Variants in LEKR1 observed in about 807,000 individuals in gnomAD.
LEKR1 encodes the protein leucine, glutamate and lysine rich 1.
A neutral mutation model predicts 72.4 loss-of-function variants in LEKR1; 59 were observed. The ratio of observed to expected loss-of-function variants is 0.82; its 90% confidence interval spans 0.66 to 1.01. The LOEUF (loss-of-function observed/expected upper bound fraction) is 1.01, where lower values mean the gene tolerates loss of function less well. Ranked by LOEUF, LEKR1 falls within the 50% of genes least tolerant of loss-of-function variation. The pLI, the probability that LEKR1 is intolerant of heterozygous loss-of-function variation, is 0.00. For missense variants in LEKR1, 728 were observed against 759.2 expected, an observed-to-expected ratio of 0.96 and a Z score of 0.48; for synonymous variants, 257 against 263.2, an observed-to-expected ratio of 0.98 and a Z score of 0.23.
intron 3 of LEKR1, among the ~76,000 whole-genome samples, chr3:156,882,804 A>G (rs1414591791): frequency 1.4e-4 from 21 of 152,070 alleles, no homozygotes; most frequent in Admixed American, 1.0e-3. Context: ...CATATACACC[A>G]TGGAATACTA....
chr3:156,940,005 C>CT (rs1726059141), intron 5 of LEKR1, among the ~76,000 whole-genome samples: 1 of 152,106 alleles, frequency 6.6e-6, no homozygotes, highest in African/African-American at 2.4e-5. Context: ...CTATCCTACT[C>CT]TGACATTTAA....
intron 10 of LEKR1, among the ~76,000 whole-genome samples, chr3:157,022,633 G>A (rs1270267437): frequency 6.6e-6 from 1 of 152,168 alleles, no homozygotes; most frequent in East Asian, 1.9e-4. Flanking sequence ...TTTGGGAAGA[G>A]TGTTGTTACA....
intron 5 of LEKR1, among the ~76,000 whole-genome samples, chr3:156,937,705 A>T (rs6784421): frequency 0.43 from 64,851 of 152,050 alleles, 16,080 homozygotes; most frequent in East Asian, 0.73. Flanking sequence ...GTTCTCAAAA[A>T]TACTTGTATG....
chr3:156,847,434 A>G (rs986327864), intron 2 of LEKR1, among the ~76,000 whole-genome samples: 1 of 152,204 alleles, frequency 6.6e-6, no homozygotes, highest in Admixed American at 6.5e-5. Context: ...GAATGACAGC[A>G]TGTCATTATT....
intron 3 of LEKR1, among the ~76,000 whole-genome samples, chr3:156,895,924 C>T (rs1194800999): frequency 6.6e-6 from 1 of 152,122 alleles, no homozygotes; most frequent in Non-Finnish European, 1.5e-5. Flanking sequence ...TTCATTGCAG[C>T]ACTAGTCACA....
At chr3:156,929,805 G>A (rs747703047) in intron 5 of LEKR1, among the ~76,000 whole-genome samples, 9 of 152,094 alleles carry the variant, frequency 5.9e-5, no homozygotes, top group East Asian at 1.9e-4. Context: ...TGTTCTAAGC[G>A]TCATCTTGAG....
rs373447693 is a variant in LEKR1, at chr3:156,984,175, T to A, written c.827+4900T>A. ...CAATGCACATACACATGCATATGGA[T>A]TTAAATACATTGAATAAATGATAGG... On this transcript the variant is annotated intron_variant, in intron 7 of 12. Transcript: ENST00000356539. Among the ~76,000 whole-genome samples, 8 of 152,284 alleles carry A rather than the reference T, an allele frequency of 5.3e-5. No homozygotes were observed. In the East Asian group the frequency reaches 9.6e-4, roughly 18 times the overall value.
Position 156,967,260 on chromosome 3 carries a change from G to A in LEKR1, c.746-11934G>A, listed in dbSNP as rs181664493. On this transcript the variant is annotated intron_variant, in intron 6 of 12. Transcript: ENST00000356539. The stretch of plus-strand genomic sequence containing the variant: ...AGGAACGCAGCTCCTCACCAGCAAC[G>A]GAACAAAGCTGGATGGAGAATGACT... Among the ~76,000 whole-genome samples, 1,023 of 152,138 alleles carry A rather than the reference G, an allele frequency of 6.7e-3. 9 individuals are homozygous for A. The highest frequency in any genetic ancestry group is 0.011 in the Admixed American group (167 of 15,282).
chr3:156,963,668 C>A (rs1576907655), intron 6 of LEKR1, among the ~76,000 whole-genome samples: 1 of 152,198 alleles, frequency 6.6e-6, no homozygotes, highest in East Asian at 1.9e-4. Flanking sequence ...ATTCACATAC[C>A]ACTTGCCATA....
At chr3:156,936,755 C>G (rs904848365) in intron 5 of LEKR1, among the ~76,000 whole-genome samples, 22 of 152,068 alleles carry the variant, frequency 1.4e-4, no homozygotes, top group African/African-American at 5.3e-4. Flanking sequence ...ACAAATGATG[C>G]TGGAACAATT....
chr3:156,985,124 A>T (rs1443091489), intron 7 of LEKR1, among the ~76,000 whole-genome samples: 2 of 152,150 alleles, frequency 1.3e-5, no homozygotes, highest in Non-Finnish European at 2.9e-5. Flanking sequence ...CAAAATGTTT[A>T]CTGAGAGCCA....
intron 6 of LEKR1, among the ~76,000 whole-genome samples, chr3:156,969,994 G>A (rs1275047908): frequency 6.6e-6 from 1 of 152,010 alleles, no homozygotes; most frequent in Non-Finnish European, 1.5e-5. Context: ...ACATAATCCA[G>A]CATATAAACA....
At chr3:156,938,390 T>G (rs1447161758) in intron 5 of LEKR1, among the ~76,000 whole-genome samples, 2 of 152,246 alleles carry the variant, frequency 1.3e-5, no homozygotes, top group Non-Finnish European at 2.9e-5. Context: ...GTTTGCTTTT[T>G]GTTTTTTGAG....
At chr3:156,890,328 A>G (rs1377583860) in intron 3 of LEKR1, among the ~76,000 whole-genome samples, 2 of 152,158 alleles carry the variant, frequency 1.3e-5, no homozygotes, top group South Asian at 2.1e-4. Context: ...GTTATAATCA[A>G]CTCAATATGT....
intron 3 of LEKR1, among the ~76,000 whole-genome samples, chr3:156,855,960 A>G (rs1255120984): frequency 6.6e-6 from 1 of 151,852 alleles, no homozygotes; most frequent in Non-Finnish European, 1.5e-5. Context: ...GAAGGGGGGA[A>G]CCTTGATTGA....
At chr3:157,026,356 G>T (rs1324159333) in intron 11 of LEKR1, among the ~76,000 whole-genome samples, 1 of 152,172 alleles carries the variant, frequency 6.6e-6, no homozygotes, top group Non-Finnish European at 1.5e-5. Flanking sequence ...TTTCTTAAGA[G>T]AAGTCATAAA....
intron 7 of LEKR1, 54 bp downstream of exon 7, chr3:156,979,329 A>G: frequency 1.2e-6 from 1 of 813,028 alleles, no homozygotes; most frequent in African/African-American, 1.8e-5. Flanking sequence ...ATGTGTTACA[A>G]AATGGCAAGA....
At chr3:156,913,994 A>C (rs1223830933) in intron 3 of LEKR1, among the ~76,000 whole-genome samples, 1 of 152,130 alleles carries the variant, frequency 6.6e-6, no homozygotes, top group Non-Finnish European at 1.5e-5. Context: ...TTTAAGGCAA[A>C]TCATAGTCTC....
chr3:156,893,944 C>G (rs1037719294), intron 3 of LEKR1, among the ~76,000 whole-genome samples: 2 of 152,172 alleles, frequency 1.3e-5, no homozygotes, highest in Non-Finnish European at 2.9e-5. Flanking sequence ...CATTGGCTTG[C>G]TGAAGAGTCT....
Sources: gnomAD v4.1 joint callset for allele counts (sites outside exome capture counted in the v4.1 genomes callset) on GRCh38, gnomAD v4.1.1 for gene constraint, MANE v1.5 for transcripts, NCBI Gene and HGNC (gene_info 2026-07-23, HGNC 2026-07-21) for gene names.